The following PHIP variants were observed in gnomAD, a reference collection of about 807,000 sequenced individuals.
PHIP encodes the protein PHIP subunit of CUL4-Ring ligase complex.
A neutral mutation model predicts 236.8 loss-of-function variants in PHIP; 54 were observed. That is an observed-to-expected ratio of 0.23 (90% CI 0.18 to 0.29). The LOEUF (loss-of-function observed/expected upper bound fraction) is 0.29, where lower values mean the gene tolerates loss of function less well. Ranked by LOEUF, PHIP falls within the 10% of genes least tolerant of loss-of-function variation. The pLI is 1.00. For synonymous variants in PHIP, 756 were observed against 718.9 expected (o/e 1.05, Z -0.83); for missense variants, 1,370 against 2,190.8 (o/e 0.63, Z 7.48).
At chr6:79,044,974 C>A (rs1024834181) in intron 6 of PHIP, among the ~76,000 whole-genome samples, 1 of 152,012 alleles carries the variant, frequency 6.6e-6, no homozygotes. Context: ...AAAGAATAAC[C>A]TTTTCAAAGT....
chr6:79,059,442 A>G (rs970981139), intron 6 of PHIP, among the ~76,000 whole-genome samples: 11 of 151,484 alleles, frequency 7.3e-5, no homozygotes, highest in Non-Finnish European at 1.5e-4. Context: ...CAAGTTAGAT[A>G]GTAGATTTAA....
Position 78,985,433 on chromosome 6 carries a change from G to C in PHIP, c.2461-5C>G. 1 of 1,496,938 alleles carries C rather than the reference G, an allele frequency of 6.7e-7. No individual in the cohort carries two copies. The highest frequency in any genetic ancestry group is 9.3e-7 in the Non-Finnish European group (1 of 1,073,170). The allele number at this position is 1,496,938 out of a possible 1,614,324, so 92.7% of individuals were successfully genotyped here. On this transcript the variant is annotated splice_polypyrimidine_tract_variant and splice_region_variant and intron_variant, in intron 21 of 39. Coordinates refer to ENST00000275034, the MANE Select transcript of PHIP (RefSeq NM_017934.7). ...GACAGCAACTACTTCGCCTTCCTAAGATATGTTGAATACATGTCTTATTGC... is the reference window on the plus strand; with the variant it reads ...GACAGCAACTACTTCGCCTTCCTAACATATGTTGAATACATGTCTTATTGC...
intron 23 of PHIP, among the ~76,000 whole-genome samples, chr6:78,982,465 T>C (rs1392430066): frequency 2.0e-5 from 3 of 152,034 alleles, no homozygotes; most frequent in African/African-American, 7.2e-5. Flanking sequence ...AGTTGTGTCA[T>C]TTCTACTCTG....
At chr6:78,996,433 T>G (rs1769621876) in intron 19 of PHIP, among the ~76,000 whole-genome samples, 1 of 152,212 alleles carries the variant, frequency 6.6e-6, no homozygotes, top group Non-Finnish European at 1.5e-5. Context: ...TATGTCTTAT[T>G]CTCCATGTTA....
intron 39 of PHIP, among the ~76,000 whole-genome samples, chr6:78,942,073 G>A (rs900536952): frequency 3.9e-5 from 6 of 152,162 alleles, no homozygotes; most frequent in Non-Finnish European, 5.9e-5. Context: ...GATATGGTAG[G>A]TGATTTGCAA....
intron 7 of PHIP, among the ~76,000 whole-genome samples, chr6:79,031,654 T>G (rs1057266328): frequency 6.6e-6 from 1 of 152,200 alleles, no homozygotes; most frequent in Non-Finnish European, 1.5e-5. Context: ...GATAAAGAAA[T>G]GTGCCTTAAA....
chr6:79,012,137 G>T (rs1770611915), intron 15 of PHIP, among the ~76,000 whole-genome samples: 1 of 151,522 alleles, frequency 6.6e-6, no homozygotes, highest in Non-Finnish European at 1.5e-5. Flanking sequence ...AAATGCTGAT[G>T]AATACAAAAT....
chr6:78,972,772 G>A lies in PHIP; in HGVS notation c.2890-1884C>T, dbSNP rs562596637. ...CCGATGCGATGAACTGGAAGAAAGG[G>A]TATCAGCAATGGAAGATGAAATGAA... is the stretch of plus-strand genomic sequence containing the variant. On this transcript the variant is annotated intron_variant, in intron 24 of 39. Transcript: ENST00000275034. Among the ~76,000 whole-genome samples the A allele has an allele frequency of 4.6e-5, 7 of 152,242 alleles. No homozygotes were observed. In the South Asian group the frequency reaches 1.2e-3, roughly 27 times the overall value.
intron 35 of PHIP, among the ~76,000 whole-genome samples, chr6:78,949,676 CTCT>C (rs953776743): frequency 1.3e-5 from 2 of 151,754 alleles, no homozygotes; most frequent in Non-Finnish European, 2.9e-5. Flanking sequence ...TTTTCTGGGA[CTCT>C]TTTTTACTTT....
intron 9 of PHIP, among the ~76,000 whole-genome samples, chr6:79,022,992 A>G (rs1314993987): frequency 1.3e-5 from 2 of 152,230 alleles, no homozygotes; most frequent in Non-Finnish European, 2.9e-5. Context: ...TATCCTGCCA[A>G]ATTTTTGGCA....
At chr6:78,945,535 T>C (rs1773762726) in intron 38 of PHIP, 38 bp from the exon 39 acceptor site, 2 of 1,277,128 alleles carry the variant, frequency 1.6e-6, no homozygotes, top group South Asian at 1.3e-5. Context: ...TTAAGAGTTA[T>C]TGAACCTAAA....
At chr6:79,025,168 T>C (rs1175613039) in intron 9 of PHIP, among the ~76,000 whole-genome samples, 5 of 152,220 alleles carry the variant, frequency 3.3e-5, no homozygotes, top group Non-Finnish European at 7.3e-5. Flanking sequence ...ATTAAAATTA[T>C]TCTAAAGAAC....
chr6:79,003,010 AT>A (rs1770085702), intron 16 of PHIP, among the ~76,000 whole-genome samples: 1 of 152,156 alleles, frequency 6.6e-6, no homozygotes, highest in Non-Finnish European at 1.5e-5. Context: ...AAACTAAATT[AT>A]AAACTACTCA....
At chr6:79,010,265 A>T (rs1269878789) in intron 15 of PHIP, among the ~76,000 whole-genome samples, 1 of 151,962 alleles carries the variant, frequency 6.6e-6, no homozygotes, top group Admixed American at 6.6e-5. Flanking sequence ...TACAGGTCAC[A>T]CTGAGAACAT....
intron 19 of PHIP, 85 bp from the exon 20 acceptor site, chr6:78,991,070 C>T (rs1023045769): frequency 1.3e-5 from 10 of 740,742 alleles, no homozygotes; most frequent in African/African-American, 5.4e-5. Flanking sequence ...AGGAAAGGAA[C>T]GCTACTCCTG....
intron 35 of PHIP, among the ~76,000 whole-genome samples, chr6:78,953,684 A>G (rs1348475181): frequency 6.6e-6 from 1 of 152,136 alleles, no homozygotes; most frequent in Non-Finnish European, 1.5e-5. Flanking sequence ...TCATTTTCTG[A>G]TATTTATCTG....
chr6:79,003,992 G>A, intron 15 of PHIP, 134 bp from the exon 16 acceptor site: 1 of 511,864 alleles, frequency 2.0e-6, no homozygotes, highest in Non-Finnish European at 3.3e-6. Context: ...GCATTGTACA[G>A]TAATAAAATT....
At chr6:78,976,221 C>T (rs1306494510) in intron 24 of PHIP, among the ~76,000 whole-genome samples, 1 of 148,518 alleles carries the variant, frequency 6.7e-6, no homozygotes, top group African/African-American at 2.4e-5. Flanking sequence ...AATAACGCCG[C>T]ATATCTACAA....
At chr6:79,051,629 C>T (rs191772715) in intron 6 of PHIP, among the ~76,000 whole-genome samples, 315 of 152,030 alleles carry the variant, frequency 2.1e-3, no homozygotes, top group Middle Eastern at 6.8e-3. Context: ...AAAAGGAAAA[C>T]CCAAATACTA....
Sources: gnomAD v4.1 joint callset for allele counts (sites outside exome capture counted in the v4.1 genomes callset) on GRCh38, gnomAD v4.1.1 for gene constraint, MANE v1.5 for transcripts, NCBI Gene and HGNC (gene_info 2026-07-23, HGNC 2026-07-21) for gene names.